Variants in PPP1R21 observed in about 807,000 individuals in gnomAD.
PPP1R21 encodes the protein KLRAQ motif containing 1.
PPP1R21 carries 85 observed loss-of-function variants against 112.8 expected under a neutral mutation model. That is an observed-to-expected ratio of 0.75 (90% CI 0.63 to 0.90). The LOEUF (loss-of-function observed/expected upper bound fraction) is 0.90. Among genes scored for constraint, PPP1R21 ranks in the 40% least tolerant of loss-of-function variants. PPP1R21 has a pLI of 0.00. For synonymous variants in PPP1R21, 381 were observed against 322.3 expected, an observed-to-expected ratio of 1.18 and a Z score of -1.95; for missense variants, 1,199 against 901.5, an observed-to-expected ratio of 1.33 and a Z score of -4.23.
intron 1 of PPP1R21, among the ~76,000 whole-genome samples, chr2:48,447,939 G>A (rs1035723017): frequency 6.6e-6 from 1 of 151,572 alleles, no homozygotes; most frequent in South Asian, 2.1e-4. Context: ...AACAGAGCGA[G>A]ACTCAGTCTC....
intron 1 of PPP1R21, among the ~76,000 whole-genome samples, chr2:48,442,628 TGTTA>T (rs1667084472): frequency 6.6e-6 from 1 of 152,198 alleles, no homozygotes; most frequent in African/African-American, 2.4e-5. Context: ...GTACGACAAG[TGTTA>T]GTTCAGTGGG....
chr2:48,453,042 C>T (rs1667550962), intron 2 of PPP1R21, among the ~76,000 whole-genome samples: 1 of 151,822 alleles, frequency 6.6e-6, no homozygotes. Flanking sequence ...CAACCTCTGC[C>T]TCCCTGGTTT....
chr2:48,493,958 A>G (rs891994545), intron 15 of PPP1R21, among the ~76,000 whole-genome samples: 4 of 150,062 alleles, frequency 2.7e-5, no homozygotes, highest in African/African-American at 7.4e-5. Flanking sequence ...GCAGTGGCTC[A>G]TGCCTGTAAT....
rs1211706985 is a variant in PPP1R21 at position 48,454,328 on chromosome 2, G to A, written c.127-267G>A. Among the ~76,000 whole-genome samples, 5 of 152,066 alleles carry A rather than the reference G, an allele frequency of 3.3e-5. No homozygotes were observed. In the East Asian group the frequency reaches 9.6e-4, roughly 29 times the overall value. On this transcript the variant is annotated intron_variant, in intron 2 of 21. Transcript: ENST00000294952. ...ATAAATTTGTAGCCTCAATCTTTGT[G>A]TCTGTTCACTGTCATAGGATGTTAG...
In PPP1R21 at chr2:48,507,324, T is replaced by G. The variant is rs1266410735; in HGVS notation, c.2024T>G (p.Ile675Arg). 1.3e-6 allele frequency: 2 copies of G among 1,593,720 alleles called. No homozygotes were observed. Among genetic ancestry groups the G allele is most frequent in the East Asian group, 2.3e-5 (1 of 43,664 alleles). Reference protein sequence around the residue: ...DLIKNHYMARIVELTSQLQLA... With the variant: ...DLIKNHYMARRVELTSQLQLA... The stretch of plus-strand genomic sequence containing the variant: ...ATTAAAAATCACTACATGGCAAGGA[T>G]AGTGGAACTTACGTCTCAGTTGCAG... Residue 675 changes from isoleucine to arginine, a missense_variant, in exon 19 of 22, where the codon ATA becomes AGA. Ile to Arg is a moderately conservative substitution (Grantham distance 97). Coordinates refer to ENST00000294952, the MANE Select transcript of PPP1R21 (RefSeq NM_001135629.3).
At chr2:48,501,640 T>G (rs913615352) in intron 17 of PPP1R21, among the ~76,000 whole-genome samples, 1 of 152,158 alleles carries the variant, frequency 6.6e-6, no homozygotes, top group Non-Finnish European at 1.5e-5. Context: ...GAAAACAGAA[T>G]AGCCGACATA....
intron 20 of PPP1R21, 59 bp downstream of exon 20, chr2:48,510,172 C>G (rs1670574090): frequency 7.8e-7 from 1 of 1,289,192 alleles, no homozygotes; most frequent in Admixed American, 2.0e-5. Flanking sequence ...TCTTTGGTAG[C>G]AAAGCAGCAT....
At chr2:48,445,135 CTTT>C (rs756357658) in intron 1 of PPP1R21, among the ~76,000 whole-genome samples, 18 of 102,622 alleles carry the variant, frequency 1.8e-4, no homozygotes, top group Admixed American at 1.0e-4. Flanking sequence ...TGAATATGAG[CTTT>C]TTTTTTTTTT....
intron 17 of PPP1R21, among the ~76,000 whole-genome samples, chr2:48,500,523 A>G (rs554000307): frequency 7.1e-4 from 108 of 152,280 alleles, no homozygotes; most frequent in African/African-American, 2.4e-3. Flanking sequence ...TAGAAAAGCA[A>G]CAAATAGAAA....
At position 48,454,657 on chromosome 2, in the gene PPP1R21, A is replaced by G. The variant is rs1391490056; in HGVS notation, c.189A>G (p.Thr63=). The change falls in exon 3 of 22, where the codon ACA becomes ACG. Residue 63 remains threonine (T), a synonymous_variant. Transcript: ENST00000294952. ...RKLQQEMDSL[T]FRNLQLAKRV... is the part of the protein sequence containing the mutation. ...TACAACAGGAAATGGACAGTTTGACATTTCGAAATCTGCAGCTTGCCAAGA... is the reference window on the plus strand; with the variant it reads ...TACAACAGGAAATGGACAGTTTGACGTTTCGAAATCTGCAGCTTGCCAAGA... The G allele has an allele frequency of 3.1e-6, 5 of 1,614,148 alleles. No homozygotes were observed. The highest frequency in any genetic ancestry group is 4.2e-6 in the Non-Finnish European group (5 of 1,179,974).
intron 16 of PPP1R21, among the ~76,000 whole-genome samples, chr2:48,497,784 TG>T (rs1669912464): frequency 6.6e-6 from 1 of 151,952 alleles, no homozygotes; most frequent in Non-Finnish European, 1.5e-5. Flanking sequence ...CCCGAGTAGC[TG>T]GGACTACAGG....
intron 19 of PPP1R21, among the ~76,000 whole-genome samples, chr2:48,508,956 C>T (rs780203775): frequency 1.3e-5 from 2 of 152,188 alleles, no homozygotes; most frequent in Non-Finnish European, 2.9e-5. Flanking sequence ...CTCCCCCCTC[C>T]CACATGACTT....
chr2:48,458,814 T>C (rs879680027), intron 4 of PPP1R21, among the ~76,000 whole-genome samples: 5 of 152,142 alleles, frequency 3.3e-5, no homozygotes, highest in Non-Finnish European at 7.4e-5. Flanking sequence ...CATAGTGGGC[T>C]GGGCGCAGTG....
At chr2:48,502,981 A>G (rs1376390941) in intron 17 of PPP1R21, among the ~76,000 whole-genome samples, 1 of 152,098 alleles carries the variant, frequency 6.6e-6, no homozygotes, top group Non-Finnish European at 1.5e-5. Flanking sequence ...CGCCCAGCCT[A>G]GAAACTTATT....
intron 14 of PPP1R21, among the ~76,000 whole-genome samples, chr2:48,488,030 A>T (rs991073307): frequency 1.3e-5 from 2 of 152,178 alleles, no homozygotes; most frequent in African/African-American, 4.8e-5. Flanking sequence ...GGTTAACCAT[A>T]ATAGGAACAA....
chr2:48,515,048 A>G lies in PPP1R21; in HGVS notation c.*304A>G. The G allele has an allele frequency of 2.9e-6, 1 of 339,928 alleles. No individual in the cohort carries two copies. Among genetic ancestry groups the G allele is most frequent in the Non-Finnish European group, 5.3e-6 (1 of 189,804 alleles). The allele number at this position is 339,928 out of a possible 1,614,324, so 21.1% of individuals were successfully genotyped here. A position where few individuals can be genotyped will look rare whatever the true frequency, so the allele number is the denominator to read the frequency against. ...AATTAGGTTTTAATTTCAGTATGTA[A>G]GAACAAATATTTTGTATACTTTCAA... On this transcript the variant is annotated 3_prime_UTR_variant, in exon 22 of 22. Coordinates refer to ENST00000294952, the MANE Select transcript of PPP1R21 (RefSeq NM_001135629.3).
intron 1 of PPP1R21, among the ~76,000 whole-genome samples, chr2:48,449,545 A>T (rs926816122): frequency 6.6e-6 from 1 of 152,188 alleles, no homozygotes; most frequent in East Asian, 1.9e-4. Flanking sequence ...CTTTTGCTCA[A>T]ACTGTTGAAT....
In PPP1R21 at chr2:48,454,617, A is replaced by C; in HGVS notation, c.149A>C (p.Gln50Pro). The stretch of plus-strand genomic sequence containing the variant: ...TAGGAGCAACTGAAAATGAAGGATC[A>C]GTCATTGAGAAAACTACAACAGGAA... ...ALKEQLKMKDQSLRKLQQEMD... is the reference protein window; with the variant it reads ...ALKEQLKMKDPSLRKLQQEMD... The change falls in exon 3 of 22, where the codon CAG becomes CCG. Residue 50 changes from glutamine to proline, a missense_variant. By Grantham distance (76) the Gln-to-Pro change is moderately conservative. Coordinates refer to ENST00000294952, the MANE Select transcript of PPP1R21 (RefSeq NM_001135629.3). 2 of 1,614,156 alleles carry C rather than the reference A, an allele frequency of 1.2e-6. No individual in the cohort carries two copies. The highest frequency in any genetic ancestry group is 1.7e-6 in the Non-Finnish European group (2 of 1,179,960).
intron 4 of PPP1R21, among the ~76,000 whole-genome samples, chr2:48,458,579 C>CTTTT (rs80280182): frequency 1.5e-5 from 2 of 137,408 alleles, no homozygotes; most frequent in Middle Eastern, 3.4e-3. Context: ...CTCCCCCTCC[C>CTTTT]TTTTTTTTTT....
Sources: gnomAD v4.1 joint callset for allele counts (sites outside exome capture counted in the v4.1 genomes callset) on GRCh38, gnomAD v4.1.1 for gene constraint, MANE v1.5 for transcripts, NCBI Gene and HGNC (gene_info 2026-07-23, HGNC 2026-07-21) for gene names.